The following RAD51B variants were observed in gnomAD, a reference collection of about 807,000 sequenced individuals.
RAD51B encodes the protein DNA repair protein RAD51 homolog 2.
In RAD51B, 38 loss-of-function variants were observed where a neutral mutation model predicts 42.2. The ratio of observed to expected loss-of-function variants is 0.90; its 90% confidence interval spans 0.70 to 1.18. The LOEUF (loss-of-function observed/expected upper bound fraction) is 1.18. Among genes scored for constraint, RAD51B ranks in the 50% most tolerant of loss-of-function variants. The probability of loss-of-function intolerance (pLI) is 0.00; values close to 1 mark genes in which losing one functional copy is unlikely to be tolerated. For missense variants in RAD51B, 373 were observed against 400.7 expected, an observed-to-expected ratio of 0.93 and a Z score of 0.59; for synonymous variants, 154 against 145.2, an observed-to-expected ratio of 1.06 and a Z score of -0.43.
chr14:68,468,091 G>A, intron 9 of RAD51B, 81 bp from the exon 10 acceptor site: 1 of 1,179,186 alleles, frequency 8.5e-7, no homozygotes, highest in South Asian at 1.2e-5. Context: ...TTACCACTTT[G>A]TCTCAAAGTG....
At chr14:68,190,339 A>G (rs897681286) in intron 7 of RAD51B, among the ~76,000 whole-genome samples, 4 of 152,200 alleles carry the variant, frequency 2.6e-5, no homozygotes, top group African/African-American at 9.6e-5. Flanking sequence ...TTTACTTTGT[A>G]TTGATTCAGA....
At chr14:68,305,136 C>T (rs183279574) in intron 8 of RAD51B, among the ~76,000 whole-genome samples, 26 of 152,258 alleles carry the variant, frequency 1.7e-4, no homozygotes, top group African/African-American at 6.3e-4. Context: ...GTGATGTATT[C>T]CCACCACTTG....
At chr14:68,355,167 G>A (rs1468434756) in intron 8 of RAD51B, among the ~76,000 whole-genome samples, 1 of 152,144 alleles carries the variant, frequency 6.6e-6, no homozygotes, top group Non-Finnish European at 1.5e-5. Flanking sequence ...TAGTACAGAT[G>A]TATTTTTTAT....
chr14:68,131,512 A>G (rs561595991), intron 7 of RAD51B, among the ~76,000 whole-genome samples: 2 of 152,140 alleles, frequency 1.3e-5, no homozygotes, highest in Middle Eastern at 3.2e-3. Flanking sequence ...CCTGACCAAC[A>G]TGGTGAAACC....
At chr14:68,313,408 A>C (rs2081998425) in intron 8 of RAD51B, among the ~76,000 whole-genome samples, 1 of 152,052 alleles carries the variant, frequency 6.6e-6, no homozygotes. Context: ...TTTTAACGGC[A>C]TTTCTGTCTT....
intron 7 of RAD51B, among the ~76,000 whole-genome samples, chr14:68,271,481 A>G (rs527575125): frequency 4.6e-5 from 7 of 152,298 alleles, no homozygotes; most frequent in African/African-American, 1.7e-4. Context: ...TGAATATTAT[A>G]GCACCTTGAA....
chr14:68,234,930 TAAATC>T (rs1434691972), intron 7 of RAD51B, among the ~76,000 whole-genome samples: 3 of 152,170 alleles, frequency 2.0e-5, no homozygotes, highest in Non-Finnish European at 4.4e-5. Context: ...TAGTAAAACT[TAAATC>T]AAGCACAAGA....
intron 10 of RAD51B, among the ~76,000 whole-genome samples, chr14:68,513,904 C>T (rs370647272): frequency 2.0e-5 from 3 of 152,190 alleles, no homozygotes; most frequent in Non-Finnish European, 2.9e-5. Context: ...ATCTATTGGA[C>T]GTGAGATGTA....
At chr14:68,123,819 A>G (rs914676761) in intron 7 of RAD51B, among the ~76,000 whole-genome samples, 3 of 152,156 alleles carry the variant, frequency 2.0e-5, no homozygotes, top group Non-Finnish European at 4.4e-5. Flanking sequence ...AAAAAACAAA[A>G]CCAACCAACC....
intron 7 of RAD51B, among the ~76,000 whole-genome samples, chr14:68,177,050 G>A (rs2078975659): frequency 6.6e-6 from 1 of 152,168 alleles, no homozygotes; most frequent in African/African-American, 2.4e-5. Context: ...TCTCTAGAGT[G>A]TAACTGCCAG....
intron 7 of RAD51B, among the ~76,000 whole-genome samples, chr14:68,187,789 T>G (rs1475831991): frequency 6.6e-6 from 1 of 152,134 alleles, no homozygotes; most frequent in Non-Finnish European, 1.5e-5. Context: ...TTAATACATT[T>G]TGGACATATT....
chr14:67,875,218 C>CA (rs1378273950), intron 5 of RAD51B, among the ~76,000 whole-genome samples: 1 of 152,088 alleles, frequency 6.6e-6, no homozygotes, highest in Non-Finnish European at 1.5e-5. Flanking sequence ...GGGAGGAAGA[C>CA]ATTAATCAAA....
chr14:68,417,746 G>A (rs772268152), intron 9 of RAD51B, among the ~76,000 whole-genome samples: 7 of 152,220 alleles, frequency 4.6e-5, no homozygotes, highest in South Asian at 2.1e-4. Flanking sequence ...TTTGAGATAA[G>A]AATACCTGTA....
At chr14:67,829,636 T>C (rs549164393) in intron 3 of RAD51B, among the ~76,000 whole-genome samples, 70 of 152,304 alleles carry the variant, frequency 4.6e-4, no homozygotes, top group African/African-American at 1.7e-3. Context: ...TTAGTTTTAG[T>C]TCATTTCTTC....
At chr14:68,346,107 A>T (rs1162607103) in intron 8 of RAD51B, among the ~76,000 whole-genome samples, 2 of 152,236 alleles carry the variant, frequency 1.3e-5, no homozygotes, top group African/African-American at 4.8e-5. Context: ...CAGAGAATAG[A>T]TTAAAATATA....
At chr14:67,963,441 G>A (rs1421015536) in intron 7 of RAD51B, among the ~76,000 whole-genome samples, 2 of 152,148 alleles carry the variant, frequency 1.3e-5, no homozygotes, top group South Asian at 2.1e-4. Context: ...TTTATATAAT[G>A]AGAATATTTT....
At chr14:68,339,890 A>G (rs868868697) in intron 8 of RAD51B, among the ~76,000 whole-genome samples, 4 of 152,362 alleles carry the variant, frequency 2.6e-5, no homozygotes, top group Middle Eastern at 3.4e-3. Flanking sequence ...AATTTTAATC[A>G]TCACAATAAA....
chr14:68,461,572 G>T (rs926991135), intron 9 of RAD51B, among the ~76,000 whole-genome samples: 6 of 152,060 alleles, frequency 3.9e-5, no homozygotes, highest in Non-Finnish European at 8.8e-5. Flanking sequence ...ATTGGTTGTT[G>T]TTGTTCTCAT....
intron 7 of RAD51B, among the ~76,000 whole-genome samples, chr14:67,983,204 G>A (rs368050925): frequency 6.6e-6 from 1 of 152,178 alleles, no homozygotes; most frequent in East Asian, 1.9e-4. Flanking sequence ...GTTAAAATAA[G>A]AGTCTCAGCC....
Sources: gnomAD v4.1 joint callset for allele counts (sites outside exome capture counted in the v4.1 genomes callset) on GRCh38, gnomAD v4.1.1 for gene constraint, MANE v1.5 for transcripts, NCBI Gene and HGNC (gene_info 2026-07-23, HGNC 2026-07-21) for gene names.